MAPK8IP3: variants seen among roughly 807,000 people sequenced by gnomAD.
The protein encoded by MAPK8IP3 is mitogen-activated protein kinase 8 interacting protein 3, also known as C-Jun-amino-terminal kinase-interacting protein 3.
A neutral mutation model predicts 157.8 loss-of-function variants in MAPK8IP3; 49 were observed. The ratio of observed to expected loss-of-function variants is 0.31; its 90% confidence interval spans 0.25 to 0.39. The LOEUF (loss-of-function observed/expected upper bound fraction) is 0.39. Ranked by LOEUF, MAPK8IP3 falls within the 10% of genes least tolerant of loss-of-function variation. The pLI, the probability that MAPK8IP3 is intolerant of heterozygous loss-of-function variation, is 1.00. For synonymous variants in MAPK8IP3, 897 were observed against 777.7 expected (o/e 1.15, Z -2.55); for missense variants, 1,478 against 1,889.4 (o/e 0.78, Z 4.04).
intron 1 of MAPK8IP3, among the ~76,000 whole-genome samples, chr16:1,711,810 C>T (rs918041008): frequency 1.3e-5 from 2 of 151,856 alleles, no homozygotes; most frequent in African/African-American, 4.8e-5. Context: ...CATGGTGATG[C>T]ACACCTGTAC....
chr16:1,767,844 C>A lies in MAPK8IP3; in HGVS notation c.3449C>A (p.Ala1150Asp). ...KLGFSFVRITALLVAGSRLWV... is the reference protein window; with the variant it reads ...KLGFSFVRITDLLVAGSRLWV... ...GGTTTCTCCTTCGTACGCATCACGG[C>A]CCTGCTTGTCGCGGGCAGCCGGCTC... The change falls in exon 28 of 32, where the codon GCC becomes GAC. Residue 1150 changes from alanine (A) to aspartate (D), a missense_variant. This residue lies in a region of MAPK8IP3 where 68 missense variants were observed against 125.1 expected (regional missense o/e 0.54). Coordinates refer to ENST00000610761, the MANE Select transcript of MAPK8IP3 (RefSeq NM_001318852.2). 1 of 1,611,432 alleles carries A rather than the reference C, an allele frequency of 6.2e-7. No individual in the cohort carries two copies. The highest frequency in any genetic ancestry group is 8.5e-7 in the Non-Finnish European group (1 of 1,179,930).
In MAPK8IP3 at chr16:1,737,308, CTGTG is replaced by C. The variant is rs748870800; in HGVS notation, c.603-6021_603-6018del. 1.5e-4 allele frequency among the ~76,000 whole-genome samples: 11 copies of C among 75,736 alleles called. 1 individual carries two copies. 49.7% of individuals were successfully genotyped at this position (75,736 alleles called of 152,430 possible). On this transcript the variant is annotated intron_variant, in intron 4 of 31. Transcript: ENST00000610761. ...TGAGTGTGACCATCCATGTGAGCATCTGTGTGACCGTCCGTGTGAGCATCCGTGT... is the reference window on the plus strand; with the variant it reads ...TGAGTGTGACCATCCATGTGAGCATCTGACCGTCCGTGTGAGCATCCGTGT...
intron 4 of MAPK8IP3, among the ~76,000 whole-genome samples, chr16:1,735,522 C>T (rs1167173738): frequency 2.5e-5 from 3 of 121,036 alleles, no homozygotes; most frequent in African/African-American, 6.9e-5. Context: ...TGTGAGCAGC[C>T]GTGTGACCGT....
chr16:1,763,088 G>A, intron 16 of MAPK8IP3, 82 bp downstream of exon 16: 2 of 1,564,426 alleles, frequency 1.3e-6, no homozygotes, highest in East Asian at 2.3e-5. Flanking sequence ...TCCAGGCCCT[G>A]AAGCGGGACT....
intron 8 of MAPK8IP3, among the ~76,000 whole-genome samples, chr16:1,753,235 T>C (rs563780486): frequency 2.6e-5 from 4 of 152,292 alleles, no homozygotes; most frequent in Admixed American, 2.6e-4. Context: ...GCATCTGTTG[T>C]ATTCCATCGA....
intron 10 of MAPK8IP3, among the ~76,000 whole-genome samples, chr16:1,759,245 G>A (rs1221377506): frequency 3.3e-5 from 4 of 119,440 alleles, no homozygotes; most frequent in Non-Finnish European, 6.9e-5. Flanking sequence ...CACAAGCGCC[G>A]GGCAGACCCT....
chr16:1,767,177 C>T lies in MAPK8IP3; in HGVS notation c.3117C>T (p.His1039=). ...EDGQWDLSNY[H]LMDLGHPHHS... ...GCCAGTGGGATCTGAGCAACTATCA[C>T]CTAATGGACCTGGGCCACCCGCACC... Residue 1039 remains histidine (H), a synonymous_variant, in exon 26 of 32, where the codon CAC becomes CAT. Coordinates refer to ENST00000610761, the MANE Select transcript of MAPK8IP3 (RefSeq NM_001318852.2). 6.2e-7 allele frequency: 1 copy of T among 1,613,254 alleles called. No homozygotes were observed. The highest frequency in any genetic ancestry group is 1.3e-5 in the African/African-American group (1 of 75,052).
At position 1,769,913 on chromosome 16, in the gene MAPK8IP3, G is replaced by C. The variant is rs1022957939; in HGVS notation, c.*1089G>C. 1 of 152,280 alleles carries C rather than the reference G, an allele frequency of 6.6e-6. No individual in the cohort carries two copies. Among genetic ancestry groups the C allele is most frequent in the Non-Finnish European group, 1.5e-5 (1 of 68,132 alleles). The allele number at this position is 152,280 out of a possible 1,614,324, so 9.4% of individuals were successfully genotyped here. On this transcript the variant is annotated 3_prime_UTR_variant, in exon 32 of 32. Coordinates refer to ENST00000610761, the MANE Select transcript of MAPK8IP3 (RefSeq NM_001318852.2). ...GCCGCCCCCAGCCGACTCCAAGCCC[G>C]CAGAGGGCAGACGCCACCCTGGACT...
chr16:1,747,763 C>T (rs1007287316), intron 6 of MAPK8IP3, among the ~76,000 whole-genome samples: 22 of 151,966 alleles, frequency 1.4e-4, no homozygotes, highest in Non-Finnish European at 2.6e-4. Flanking sequence ...TAACCAGTAA[C>T]CTGCATCGCC....
At chr16:1,729,722 G>A (rs1399808845) in intron 4 of MAPK8IP3, 144 bp downstream of exon 4, 11 of 801,298 alleles carry the variant, frequency 1.4e-5, no homozygotes, top group Non-Finnish European at 2.2e-5. Flanking sequence ...AGACCCAGGA[G>A]GAGGGAGCTG....
chr16:1,715,692 G>C (rs1037450541), intron 1 of MAPK8IP3, among the ~76,000 whole-genome samples: 3 of 152,042 alleles, frequency 2.0e-5, no homozygotes, highest in Admixed American at 6.6e-5. Flanking sequence ...TTTCTCGCTG[G>C]TGAGCCTGGC....
At chr16:1,723,700 C>CA (rs2038687192) in intron 1 of MAPK8IP3, among the ~76,000 whole-genome samples, 1 of 152,118 alleles carries the variant, frequency 6.6e-6, no homozygotes, top group Admixed American at 6.6e-5. Context: ...TAATATTCCC[C>CA]AGTTTTCTAC....
At chr16:1,768,406 C>T (rs369177621) in intron 30 of MAPK8IP3, 28 bp downstream of exon 30, 147 of 1,598,058 alleles carry the variant, frequency 9.2e-5, no homozygotes, top group Non-Finnish European at 1.2e-4. Context: ...CTGCCATCCA[C>T]ATCCCCTGCA....
intron 10 of MAPK8IP3, 44 bp downstream of exon 10, chr16:1,759,039 C>G: frequency 1.2e-6 from 2 of 1,611,006 alleles, no homozygotes; most frequent in Non-Finnish European, 1.7e-6. Flanking sequence ...TCCTCCACCC[C>G]GACATGGTCT....
chr16:1,746,646 G>A (rs1174365890), intron 5 of MAPK8IP3: 1 of 221,350 alleles, frequency 4.5e-6, no homozygotes, highest in Non-Finnish European at 9.0e-6. Context: ...CCCAGTCAGA[G>A]CCCTCTGCCC....
At chr16:1,763,617 C>A (rs1431126865) in intron 16 of MAPK8IP3, 40 bp from the exon 17 acceptor site, 2 of 1,486,726 alleles carry the variant, frequency 1.3e-6, no homozygotes, top group Non-Finnish European at 1.8e-6. Flanking sequence ...GGGGGCCGCT[C>A]ACCCTGGACA....
chr16:1,767,452 T>TG (rs1163949325), intron 26 of MAPK8IP3, 112 bp from the exon 27 acceptor site: 3 of 1,506,822 alleles, frequency 2.0e-6, no homozygotes, highest in African/African-American at 2.7e-5. Context: ...AAGCAGGCGC[T>TG]GGCTGGGAGG....
chr16:1,737,017 A>T (rs868487701), intron 4 of MAPK8IP3, among the ~76,000 whole-genome samples: 20 of 26,964 alleles, frequency 7.4e-4, no homozygotes, highest in East Asian at 1.4e-3. Context: ...TCCGTGTGAG[A>T]GTGTGACCAT....
rs1436223809 is a variant in MAPK8IP3, at chr16:1,767,896, C to T, written c.3501C>T (p.Val1167=). 3.1e-6 allele frequency: 5 copies of T among 1,611,186 alleles called. No individual in the cohort carries two copies. The highest frequency in any genetic ancestry group is 1.3e-5 in the African/African-American group (1 of 74,926). Residue 1167 remains valine (V), a synonymous_variant, in exon 28 of 32, where the codon GTC becomes GTT. Transcript: ENST00000610761. ...RLWVGTGNGV[V]ISIPLTETVV... ...GGGTGGGCACCGGCAACGGAGTGGTCATCTCCATCCCCCTGACAGAGAGTG... is the reference window on the plus strand; with the variant it reads ...GGGTGGGCACCGGCAACGGAGTGGTTATCTCCATCCCCCTGACAGAGAGTG...
Sources: allele counts gnomAD v4.1 joint callset (sites outside exome capture counted in the v4.1 genomes callset), GRCh38; gene constraint gnomAD v4.1.1; regional missense constraint gnomAD v4.1.1; transcripts MANE v1.5; gene names NCBI Gene and HGNC (gene_info 2026-07-23, HGNC 2026-07-21).